AK5: variants seen among roughly 807,000 people sequenced by gnomAD.
AK5 encodes the protein adenylate kinase isoenzyme 5.
AK5 carries 27 observed loss-of-function variants against 69.5 expected under a neutral mutation model. The observed-to-expected ratio is 0.39, with a 90% CI of 0.29 to 0.54. AK5 has a LOEUF of 0.54. Among genes scored for constraint, AK5 ranks in the 20% least tolerant of loss-of-function variants. The probability of loss-of-function intolerance (pLI) is 0.71; values close to 1 mark genes in which losing one functional copy is unlikely to be tolerated. For synonymous variants in AK5, 260 were observed against 244.4 expected, an observed-to-expected ratio of 1.06 and a Z score of -0.60; for missense variants, 531 against 700.4, an observed-to-expected ratio of 0.76 and a Z score of 2.73.
rs562448503 is a variant in AK5 at position 77,341,043 on chromosome 1, G to T, written c.891+475G>T. Among the ~76,000 whole-genome samples, 15 of 152,274 alleles carry T rather than the reference G, an allele frequency of 9.9e-5. No homozygotes were observed. In the South Asian group the frequency reaches 1.0e-3, roughly 11 times the overall value. The stretch of plus-strand genomic sequence containing the variant: ...ACTTCACAGAAAAAGTTTCCTAAGG[G>T]TTTGACTTGTCATAAAGAAGTGATA... On this transcript the variant is annotated intron_variant, in intron 6 of 13. Coordinates refer to ENST00000354567, the MANE Select transcript of AK5 (RefSeq NM_174858.3).
At chr1:77,361,922 T>G (rs1448286620) in intron 6 of AK5, among the ~76,000 whole-genome samples, 1 of 152,126 alleles carries the variant, frequency 6.6e-6, no homozygotes, top group Non-Finnish European at 1.5e-5. Flanking sequence ...GAGATTTGGG[T>G]GGGGACACAG....
In AK5 at chr1:77,535,856, C is replaced by T. The variant is rs1658929350; in HGVS notation, c.1438C>T (p.Pro480Ser). 1 of 1,611,676 alleles carries T rather than the reference C, an allele frequency of 6.2e-7. No individual in the cohort carries two copies. The highest frequency in any genetic ancestry group is 8.5e-7 in the Non-Finnish European group (1 of 1,179,130). ...GEEFGRRIGD[P>S]QLVICMDCSA... is the part of the protein sequence containing the mutation. Reference sequence around the variant, plus strand: ...CCACTCCCATCTCCAGATTGGAGACCCACAGTTGGTGATCTGTATGGACTG... The same window carrying T: ...CCACTCCCATCTCCAGATTGGAGACTCACAGTTGGTGATCTGTATGGACTG... The change falls in exon 13 of 14, where the codon CCA becomes TCA. Residue 480 changes from proline (P) to serine (S), a missense_variant. Pro to Ser is a moderately conservative substitution (Grantham distance 74). Coordinates refer to ENST00000354567, the MANE Select transcript of AK5 (RefSeq NM_174858.3).
chr1:77,504,057 A>G (rs1656884078), intron 10 of AK5, among the ~76,000 whole-genome samples: 1 of 152,142 alleles, frequency 6.6e-6, no homozygotes, highest in African/African-American at 2.4e-5. Context: ...CCAATTAAAA[A>G]CATGCAGCTT....
At chr1:77,337,969 T>A (rs1384918764) in intron 5 of AK5, among the ~76,000 whole-genome samples, 1 of 150,836 alleles carries the variant, frequency 6.6e-6, no homozygotes, top group Admixed American at 6.6e-5. Flanking sequence ...CTTTTTATTT[T>A]TTTTTTTTTT....
chr1:77,421,117 A>G (rs1482436228), intron 8 of AK5, among the ~76,000 whole-genome samples: 14 of 152,196 alleles, frequency 9.2e-5, no homozygotes, highest in Non-Finnish European at 1.5e-5. Flanking sequence ...CCTGCAGGCC[A>G]TAGTTTGCTG....
At chr1:77,537,431 A>G (rs1033883424) in intron 13 of AK5, among the ~76,000 whole-genome samples, 9 of 152,206 alleles carry the variant, frequency 5.9e-5, no homozygotes, top group Non-Finnish European at 1.2e-4. Flanking sequence ...AGGGGCAGGA[A>G]TAATCAGGAT....
At chr1:77,408,193 T>G (rs4638175) in intron 6 of AK5, among the ~76,000 whole-genome samples, 13,608 of 152,226 alleles carry the variant, frequency 0.089, 826 homozygotes, top group African/African-American at 0.16. Context: ...TGTTTTAAGT[T>G]CTTTGAGAAA....
chr1:77,422,370 A>G (rs1650873556), intron 8 of AK5, among the ~76,000 whole-genome samples: 2 of 152,210 alleles, frequency 1.3e-5, no homozygotes, highest in South Asian at 4.1e-4. Flanking sequence ...TTGGCTCTTC[A>G]TCGATTTCAG....
At chr1:77,294,315 G>A (rs1658864616) in intron 3 of AK5, among the ~76,000 whole-genome samples, 1 of 152,258 alleles carries the variant, frequency 6.6e-6, no homozygotes, top group Non-Finnish European at 1.5e-5. Context: ...AGAGCTGAAT[G>A]TGGTGGTAGT....
intron 8 of AK5, among the ~76,000 whole-genome samples, chr1:77,440,437 T>C (rs2100634220): frequency 6.6e-6 from 1 of 152,310 alleles, no homozygotes; most frequent in East Asian, 1.9e-4. Context: ...AATTTGACTA[T>C]AGTGTACTTT....
At chr1:77,536,583 C>T (rs1658982967) in intron 13 of AK5, among the ~76,000 whole-genome samples, 1 of 152,148 alleles carries the variant, frequency 6.6e-6, no homozygotes, top group African/African-American at 2.4e-5. Context: ...CACAGATCCC[C>T]TTATAGTTGC....
rs1658101162 is a variant in AK5, at chr1:77,523,336, GC to G, written c.1428+1394del. Among the ~76,000 whole-genome samples, 3 of 152,268 alleles carry G rather than the reference GC, an allele frequency of 2.0e-5. No individual in the cohort carries two copies. In the South Asian group the frequency reaches 6.2e-4, roughly 32 times the overall value. ...GGGGTGGGCAGGGAGAAGTGGATTT[GC>G]AGAGCAGAGCCCCATTACTGTGGAA... On this transcript the variant is annotated intron_variant, in intron 12 of 13. Transcript: ENST00000354567.
At chr1:77,432,641 C>T (rs1315707502) in intron 8 of AK5, among the ~76,000 whole-genome samples, 4 of 152,186 alleles carry the variant, frequency 2.6e-5, no homozygotes, top group Non-Finnish European at 4.4e-5. Context: ...AATTAGATGA[C>T]ATCTGTTGTT....
intron 8 of AK5, among the ~76,000 whole-genome samples, chr1:77,454,328 T>C (rs1174006155): frequency 3.3e-5 from 5 of 152,188 alleles, no homozygotes; most frequent in Non-Finnish European, 7.4e-5. Context: ...CTCCTAATTG[T>C]ATGCCATCTT....
chr1:77,442,163 G>A (rs961386116), intron 8 of AK5, among the ~76,000 whole-genome samples: 19 of 152,212 alleles, frequency 1.2e-4, no homozygotes, highest in African/African-American at 4.3e-4. Context: ...AGGTATGACA[G>A]TGGCTCAAAA....
At position 77,521,856 on chromosome 1, in the gene AK5, C is replaced by T; in HGVS notation, c.1341C>T (p.Ala447=). 1.2e-6 allele frequency: 2 copies of T among 1,613,870 alleles called. No homozygotes were observed. Among genetic ancestry groups the T allele is most frequent in the Non-Finnish European group, 1.7e-6 (2 of 1,179,966 alleles). ...TCGTTTTGGAGCTCCTGAAGGAGGC[C>T]ATGGTGGCCAGCCTCGGGGACACCA... is the stretch of plus-strand genomic sequence containing the variant. The part of the protein sequence containing the change: ...SGIVLELLKE[A]MVASLGDTRG... The change falls in exon 12 of 14, where the codon GCC becomes GCT. Residue 447 remains alanine, a synonymous_variant. Coordinates refer to ENST00000354567, the MANE Select transcript of AK5 (RefSeq NM_174858.3).
chr1:77,483,194 TA>T, intron 8 of AK5, 122 bp from the exon 9 acceptor site: 2 of 704,290 alleles, frequency 2.8e-6, no homozygotes, highest in Non-Finnish European at 5.2e-6. Flanking sequence ...TTGTCCCTCA[TA>T]AAATTGTTTG....
At chr1:77,423,089 T>C (rs1037778003) in intron 8 of AK5, among the ~76,000 whole-genome samples, 6 of 151,634 alleles carry the variant, frequency 4.0e-5, no homozygotes, top group South Asian at 2.1e-4. Context: ...GGCGTGGTGG[T>C]GGGCACCTGT....
chr1:77,367,621 T>TATATATATGTTATATATATGTTATGTC (rs1557533063), intron 6 of AK5, among the ~76,000 whole-genome samples: 1 of 57,362 alleles, frequency 1.7e-5, no homozygotes, highest in African/African-American at 1.1e-4. Flanking sequence ...ATATATATGT[T>TATATATATGTTATATATATGTTATGTC]ATATATGTAA....
Sources: gnomAD v4.1 joint callset for allele counts (sites outside exome capture counted in the v4.1 genomes callset) on GRCh38, gnomAD v4.1.1 for gene constraint, MANE v1.5 for transcripts, NCBI Gene and HGNC (gene_info 2026-07-23, HGNC 2026-07-21) for gene names.